CD34: variants seen among roughly 807,000 people sequenced by gnomAD.
CD34 encodes the protein hematopoietic progenitor cell antigen CD34.
Under a neutral mutation model 40.1 loss-of-function variants are expected in CD34, and 34 were observed. The ratio of observed to expected loss-of-function variants is 0.85; its 90% CI spans 0.65 to 1.13. The LOEUF (loss-of-function observed/expected upper bound fraction) is 1.13, where lower values mean the gene tolerates loss of function less well. Among genes scored for constraint, CD34 ranks in the 50% most tolerant of loss-of-function variants. The pLI is 0.00. For synonymous variants in CD34, 209 were observed against 190.0 expected (o/e 1.10, Z -0.82); for missense variants, 426 against 466.9 (o/e 0.91, Z 0.81).
At chr1:207,909,304 T>C (rs977157809) in intron 1 of CD34, among the ~76,000 whole-genome samples, 7 of 152,196 alleles carry the variant, frequency 4.6e-5, no homozygotes, top group Non-Finnish European at 1.5e-5. Flanking sequence ...CTCATTCGGC[T>C]GAGGACCAGG....
In CD34 at chr1:207,899,299, T is replaced by A. The variant is rs1190297831; in HGVS notation, c.263-73A>T. 9 of 1,502,802 alleles carry A rather than the reference T, an allele frequency of 6.0e-6. No individual in the cohort carries two copies. In the East Asian group the frequency reaches 1.6e-4, roughly 26 times the overall value. The allele number at this position is 1,502,802 out of a possible 1,614,324, so 93.1% of individuals were successfully genotyped here. On this transcript the variant is annotated intron_variant, in intron 2 of 7. Coordinates refer to ENST00000310833, the MANE Select transcript of CD34 (RefSeq NM_001025109.2). ...ATACACAAAATCTCAGGTCATGATA[T>A]GGGCATGCACTTCAACACAGAAAAG...
intron 4 of CD34, among the ~76,000 whole-genome samples, chr1:207,894,815 A>G (rs1662115745): frequency 6.7e-6 from 1 of 149,170 alleles, no homozygotes; most frequent in African/African-American, 2.5e-5. Flanking sequence ...GCTGGGGAGC[A>G]AAAAAAAAAG....
In CD34 at chr1:207,904,320, A is replaced by C. The variant is rs78612276; in HGVS notation, c.80-4317T>G. On this transcript the variant is annotated intron_variant, in intron 1 of 7. Coordinates refer to ENST00000310833, the MANE Select transcript of CD34 (RefSeq NM_001025109.2). ...TCTCGAAGGAGTTCCTGGGAATCTT[A>C]GTCCATAGAGTTACAGAACTAGGAT... Among the ~76,000 whole-genome samples the C allele has an allele frequency of 0.016, 2,458 of 152,266 alleles. 153 individuals carry two copies. In the East Asian group the frequency reaches 0.22, roughly 13 times the overall value.
In CD34 at chr1:207,911,073, A is replaced by C; in HGVS notation, c.8T>G (p.Val3Gly). 6.3e-7 allele frequency: 1 copy of C among 1,583,088 alleles called. No homozygotes were observed. Residue 3 changes from valine to glycine, a missense_variant, in exon 1 of 8, where the codon GTC (valine) becomes GGC (glycine). Coordinates refer to ENST00000310833, the MANE Select transcript of CD34 (RefSeq NM_001025109.2). ML[V>G]RRGARAGPRM... ...GGGCCCTGCGCGCGCGCCCCTGCGG[A>C]CCAGCATCCTTCCCGCGCGGCTCCT...
intron 1 of CD34, among the ~76,000 whole-genome samples, chr1:207,902,907 C>G (rs924322316): frequency 6.6e-6 from 1 of 152,158 alleles, no homozygotes; most frequent in African/African-American, 2.4e-5. Context: ...ACCACCAGGC[C>G]GAGCGCTGTG....
At chr1:207,894,970 C>T (rs2102299192) in intron 4 of CD34, among the ~76,000 whole-genome samples, 3 of 152,252 alleles carry the variant, frequency 2.0e-5, no homozygotes, top group Admixed American at 2.0e-4. Flanking sequence ...ACATATATTC[C>T]TGTTATGGGC....
intron 1 of CD34, among the ~76,000 whole-genome samples, chr1:207,910,743 T>C (rs1662492236): frequency 6.6e-6 from 1 of 152,188 alleles, no homozygotes; most frequent in African/African-American, 2.4e-5. Context: ...TCTCAGTCCA[T>C]TGGAACCAGT....
intron 3 of CD34, among the ~76,000 whole-genome samples, 187 bp from the exon 4 acceptor site, chr1:207,897,760 A>G (rs3738460): frequency 0.093 from 14,207 of 152,266 alleles, 785 homozygotes; most frequent in East Asian, 0.13. Flanking sequence ...CGTCTATTTC[A>G]TATCTATCCT....
Position 207,897,591 on chromosome 1 carries a change from C to T in CD34, c.517-18G>A, listed in dbSNP as rs11807028. ...ATTTCTGCCTGTATTAAAACAAAAA[C>T]AATAACAAAAACAAAGTAAATAAGC... On this transcript the variant is annotated intron_variant, in intron 3 of 7. Coordinates refer to ENST00000310833, the MANE Select transcript of CD34 (RefSeq NM_001025109.2). 5.1e-3 allele frequency: 7,805 copies of T among 1,535,388 alleles called. 342 individuals carry two copies. The African/African-American group carries it at 0.094, about 19-fold the overall frequency.
At chr1:207,895,973 C>A (rs530625365) in intron 4 of CD34, among the ~76,000 whole-genome samples, 1 of 152,282 alleles carries the variant, frequency 6.6e-6, no homozygotes, top group African/African-American at 2.4e-5. Flanking sequence ...TTCTACTATG[C>A]AAACTCATGT....
At chr1:207,890,768 C>G (rs541958819) in intron 4 of CD34, among the ~76,000 whole-genome samples, 12 of 152,218 alleles carry the variant, frequency 7.9e-5, no homozygotes, top group Non-Finnish European at 1.8e-4. Flanking sequence ...CAAACTGGAG[C>G]CTCAAAAAAC....
intron 4 of CD34, chr1:207,890,401 G>T (rs1662008225): frequency 9.6e-6 from 2 of 208,740 alleles, no homozygotes; most frequent in Non-Finnish European, 1.7e-5. Context: ...ATGGCAGATG[G>T]CAGAGAAGGA....
intron 2 of CD34, 150 bp downstream of exon 2, chr1:207,899,670 CA>C (rs1662234120): frequency 1.5e-6 from 1 of 677,958 alleles, no homozygotes; most frequent in African/African-American, 1.8e-5. Flanking sequence ...GAACTTACTT[CA>C]GGGCACCCTA....
At chr1:207,889,718 G>C in intron 4 of CD34, 97 bp from the exon 5 acceptor site, 1 of 1,597,848 alleles carries the variant, frequency 6.3e-7, no homozygotes. Flanking sequence ...CTCTTACCCC[G>C]TCCGCAAGAA....
intron 4 of CD34, among the ~76,000 whole-genome samples, chr1:207,893,905 A>T (rs559892045): frequency 6.0e-4 from 92 of 152,342 alleles, no homozygotes; most frequent in Middle Eastern, 6.8e-3. Context: ...CTGCTATTTT[A>T]AAAACCCAGA....
intron 1 of CD34, among the ~76,000 whole-genome samples, chr1:207,905,857 C>A (rs1662370409): frequency 6.6e-6 from 1 of 152,218 alleles, no homozygotes; most frequent in South Asian, 2.1e-4. Context: ...AACACAAATT[C>A]ATGCTTAGAC....
intron 1 of CD34, among the ~76,000 whole-genome samples, chr1:207,908,100 G>A (rs996338871): frequency 1.3e-5 from 2 of 152,170 alleles, no homozygotes; most frequent in Admixed American, 1.3e-4. Context: ...AGTGGAATTT[G>A]TTCCTCATTT....
At chr1:207,888,102 G>C in intron 7 of CD34, 179 bp from the exon 8 acceptor site, 1 of 1,614,000 alleles carries the variant, frequency 6.2e-7, no homozygotes, top group Non-Finnish European at 8.5e-7. Context: ...CCTGAAGAGT[G>C]GTCAGGGTTC....
intron 1 of CD34, among the ~76,000 whole-genome samples, chr1:207,910,302 C>T (rs1662480235): frequency 6.6e-6 from 1 of 152,210 alleles, no homozygotes; most frequent in Admixed American, 6.5e-5. Context: ...TTTGGTAAGG[C>T]GAGCGAGGCT....
Sources: gnomAD v4.1 joint callset for allele counts (sites outside exome capture counted in the v4.1 genomes callset) on GRCh38, gnomAD v4.1.1 for gene constraint, MANE v1.5 for transcripts, NCBI Gene and HGNC (gene_info 2026-07-23, HGNC 2026-07-21) for gene names.